Variants in FRMD1 observed in about 807,000 individuals in gnomAD.
The protein encoded by FRMD1 is FERM domain containing 1.
In FRMD1, 51 loss-of-function variants were observed where a neutral mutation model predicts 54.9. The ratio of observed to expected loss-of-function variants is 0.93; its 90% confidence interval spans 0.74 to 1.17. The LOEUF is 1.17. Among genes scored for constraint, FRMD1 ranks in the 50% most tolerant of loss-of-function variants. FRMD1 has a pLI of 0.00. For synonymous variants in FRMD1, 324 were observed against 306.4 expected, an observed-to-expected ratio of 1.06 and a Z score of -0.60; for missense variants, 729 against 743.0, an observed-to-expected ratio of 0.98 and a Z score of 0.22.
At chr6:168,079,331 C>A (rs1256056123), upstream of FRMD1, among the ~76,000 whole-genome samples, 1 of 152,218 alleles carries the variant, frequency 6.6e-6, no homozygotes, top group Admixed American at 6.5e-5. Context: ...AGGCTGGGCA[C>A]CCGCCATGCA....
At chr6:168,089,995 C>T (rs78672552) in intron 1 of FRMD1, among the ~76,000 whole-genome samples, 2,628 of 152,276 alleles carry the variant, frequency 0.017, 89 homozygotes, top group African/African-American at 0.06. Context: ...TCCACCTGCT[C>T]AGGCTGTAGG....
rs553047735 is a variant in FRMD1 at position 168,088,039 on chromosome 6, G to A, written c.-11-9015C>T. On this transcript the variant is annotated intron_variant, in intron 1 of 12. Transcript: ENST00000644440. Reference sequence around the variant, plus strand: ...CTCTCAGCCCCTGGGACCCTGCCCCGAAAAGGCTCTCTCCCTCTGGTTCCG... The same window carrying A: ...CTCTCAGCCCCTGGGACCCTGCCCCAAAAAGGCTCTCTCCCTCTGGTTCCG... Among the ~76,000 whole-genome samples, 9 of 152,218 alleles carry A rather than the reference G, an allele frequency of 5.9e-5. No homozygotes were observed. In the South Asian group the frequency reaches 1.2e-3, roughly 21 times the overall value.
chr6:168,091,012 C>T (rs574719327), intron 1 of FRMD1, among the ~76,000 whole-genome samples: 52 of 152,342 alleles, frequency 3.4e-4, no homozygotes, highest in African/African-American at 9.1e-4. Context: ...CTCCCGGCTC[C>T]GCTCTCTGCC....
intron 9 of FRMD1, among the ~76,000 whole-genome samples, chr6:168,060,260 A>C: frequency 7.9e-6 from 1 of 126,652 alleles, no homozygotes. Flanking sequence ...TGGGGATGGG[A>C]TTCCTGGGAG....
chr6:168,065,881 T>C, intron 4 of FRMD1: 1 of 1,000,178 alleles, frequency 1.0e-6, no homozygotes, highest in Non-Finnish European at 1.2e-6. Flanking sequence ...TCCCCCAGGG[T>C]AAACCCTGTT....
Position 168,064,887 on chromosome 6 carries a change from G to A in FRMD1, c.632C>T (p.Ser211Phe), listed in dbSNP as rs1799944965. 6.4e-7 allele frequency: 1 copy of A among 1,574,070 alleles called. No individual in the cohort carries two copies. Among genetic ancestry groups the A allele is most frequent in the Non-Finnish European group, 8.6e-7 (1 of 1,160,084 alleles). The change falls in exon 5 of 11, where the codon TCC (serine) becomes TTC (phenylalanine). Residue 211 changes from serine (S) to phenylalanine (F), a missense_variant. By Grantham distance (155) the Ser-to-Phe change is radical (BLOSUM62 -2). Coordinates refer to ENST00000283309, the MANE Select transcript of FRMD1 (RefSeq NM_024919.6). ...AHAGRYFEPH[S>F]YFPQWIITKR... The stretch of plus-strand genomic sequence containing the variant: ...TGACCTTACCCACTGTGGGAAGTAG[G>A]AGTGTGGCTCGAAGTACCTCCCGGC...
rs529445633 is a variant in FRMD1 at position 168,077,589 on chromosome 6, A to G, written c.213+1293T>C. On this transcript the variant is annotated intron_variant, in intron 1 of 10. Coordinates refer to ENST00000283309, the MANE Select transcript of FRMD1 (RefSeq NM_024919.6). ...GATAGGAAGTGGCTCTGTGGTTGCC[A>G]ACTTGCCAGGCCCAGCAGGGGCCAC... Among the ~76,000 whole-genome samples, 11 of 152,356 alleles carry G rather than the reference A, an allele frequency of 7.2e-5. No homozygotes were observed. The South Asian group carries it at 2.3e-3, about 32-fold the overall frequency.
At position 168,086,949 on chromosome 6, in the gene FRMD1, G is replaced by A. The variant is rs1023527779; in HGVS notation, c.-11-7925C>T. On this transcript the variant is annotated intron_variant, in intron 1 of 12. Coordinates refer to the FRMD1 transcript ENST00000644440. ...TGAGGCCTGATGGAGTGACCCAGCCGCCTCAGAGAGCAGTCCCCGATTCTG... is the reference window on the plus strand; with the variant it reads ...TGAGGCCTGATGGAGTGACCCAGCCACCTCAGAGAGCAGTCCCCGATTCTG... Among the ~76,000 whole-genome samples, 17 of 152,148 alleles carry A rather than the reference G, an allele frequency of 1.1e-4. 1 individual carries two copies. Among genetic ancestry groups the A allele is most frequent in the South Asian group, 4.1e-4 (2 of 4,832 alleles).
chr6:168,059,293 A>G lies in FRMD1; in HGVS notation c.1343-105T>C. 1 of 924,546 alleles carries G rather than the reference A, an allele frequency of 1.1e-6. No homozygotes were observed. Among genetic ancestry groups the G allele is most frequent in the Non-Finnish European group, 1.7e-6 (1 of 605,126 alleles). 57.3% of individuals were successfully genotyped at this position (924,546 alleles called of 1,614,324 possible). On this transcript the variant is annotated intron_variant, in intron 9 of 10. Coordinates refer to ENST00000283309, the MANE Select transcript of FRMD1 (RefSeq NM_024919.6). The surrounding 1 kb of genome is among the most constrained non-coding windows in gnomAD (Gnocchi z 4.4). ...TCTGGGGCCCTGGTCTCGGACCGGC[A>G]TCTCCTGAGGCTCACACCGCCCCCT... is the stretch of plus-strand genomic sequence containing the variant.
At chr6:168,061,111 T>C in intron 8 of FRMD1, 54 bp from the exon 9 acceptor site, 7 of 1,542,720 alleles carry the variant, frequency 4.5e-6, no homozygotes, top group Non-Finnish European at 6.1e-6. Context: ...CCAGCCCTGC[T>C]GATGCAGGAG....
intron 2 of FRMD1, among the ~76,000 whole-genome samples, chr6:168,070,638 C>T (rs1274087460): frequency 1.3e-5 from 2 of 152,208 alleles, no homozygotes; most frequent in African/African-American, 4.8e-5. Flanking sequence ...TGAGCCAGTT[C>T]TTTACAATAA....
intron 2 of FRMD1, among the ~76,000 whole-genome samples, chr6:168,068,834 C>A (rs920043763): frequency 6.6e-6 from 1 of 152,224 alleles, no homozygotes. Context: ...AATGAAGACA[C>A]CAGTGAGGAA....
chr6:168,089,625 A>G (rs902861284), intron 1 of FRMD1, among the ~76,000 whole-genome samples: 3 of 152,188 alleles, frequency 2.0e-5, no homozygotes, highest in Non-Finnish European at 4.4e-5. Context: ...TGAATTCTCT[A>G]TGAGGGTGCA....
rs746679005 is a variant in FRMD1 at position 168,066,819 on chromosome 6, G to A, written c.397C>T (p.Pro133Ser). The A allele has an allele frequency of 8.7e-6, 14 of 1,613,726 alleles. No individual in the cohort carries two copies. The highest frequency in any genetic ancestry group is 1.2e-5 in the Non-Finnish European group (14 of 1,179,972). ...KKERNEGNEK[P>S]RAPFVAFLRV... ...AGGAAGGCCACGAAGGGGGCTCTGG[G>A]TTTCTCATTTCCCTAGTGGGGAAAA... The change falls in exon 4 of 11, where the codon CCC becomes TCC. Residue 133 changes from proline to serine, a missense_variant. Pro to Ser is a moderately conservative substitution (Grantham distance 74, BLOSUM62 -1). Transcript: ENST00000283309.
In FRMD1 at chr6:168,053,235, T is replaced by A. The variant is rs1799319931; in HGVS notation, c.*3862A>T. On this transcript the variant is annotated 3_prime_UTR_variant, in exon 11 of 11. Coordinates refer to ENST00000283309, the MANE Select transcript of FRMD1 (RefSeq NM_024919.6). The stretch of plus-strand genomic sequence containing the variant: ...CGGCAGGGCTGCCCCGGATTTGTTT[T>A]CTAACCTTGGCACCTGGAAGGCAGC... The A allele has an allele frequency of 1.3e-5, 2 of 152,198 alleles. No homozygotes were observed. Among genetic ancestry groups the A allele is most frequent in the South Asian group, 4.1e-4 (2 of 4,828 alleles). The allele number at this position is 152,198 out of a possible 1,614,324, so 9.4% of individuals were successfully genotyped here. A position where few individuals can be genotyped will look rare whatever the true frequency, so the allele number is the denominator to read the frequency against.
At chr6:168,067,328 G>T in intron 3 of FRMD1, 39 bp downstream of exon 3, 1 of 1,357,382 alleles carries the variant, frequency 7.4e-7, no homozygotes, top group Non-Finnish European at 1.0e-6. Flanking sequence ...ACAGCCCACC[G>T]CGGTGCCTGC....
chr6:168,075,016 T>C (rs12195106), intron 2 of FRMD1, among the ~76,000 whole-genome samples: 2,456 of 151,468 alleles, frequency 0.016, 64 homozygotes, highest in Admixed American at 0.052. Context: ...GTGTGTGGTG[T>C]GTGCATGTGT....
intron 10 of FRMD1, among the ~76,000 whole-genome samples, 163 bp downstream of exon 10, chr6:168,058,961 G>A (rs753130491): frequency 5.9e-5 from 9 of 152,174 alleles, no homozygotes; most frequent in South Asian, 2.1e-4. Context: ...CCCAGTGCCC[G>A]AGAGCCTTGC....
At chr6:168,062,535 C>T (rs766917100) in intron 7 of FRMD1, 52 of 880,810 alleles carry the variant, frequency 5.9e-5, no homozygotes, top group African/African-American at 8.5e-5. Flanking sequence ...GAGGCCAGGA[C>T]GGCCCTGATG....
Sources: allele counts gnomAD v4.1 joint callset (sites outside exome capture counted in the v4.1 genomes callset), GRCh38; gene constraint gnomAD v4.1.1; non-coding constraint Gnocchi (gnomAD v3.1); transcripts MANE v1.5; gene names NCBI Gene and HGNC (gene_info 2026-07-23, HGNC 2026-07-21).